Variants in FGGY observed in about 807,000 individuals in gnomAD.
FGGY encodes FGGY carbohydrate kinase domain containing, also known as FGGY carbohydrate kinase domain-containing protein.
A neutral mutation model predicts 71.3 loss-of-function variants in FGGY; 72 were observed. The observed-to-expected ratio is 1.01, with a 90% CI of 0.84 to 1.23. The LOEUF is 1.23. FGGY is among the 50% of genes most tolerant of loss of function. The pLI is 0.00. For missense variants in FGGY, 668 were observed against 682.3 expected, an observed-to-expected ratio of 0.98 and a Z score of 0.23; for synonymous variants, 251 against 250.3, an observed-to-expected ratio of 1.00 and a Z score of -0.02.
intron 1 of FGGY, among the ~76,000 whole-genome samples, chr1:59,312,194 C>T (rs554595888): frequency 3.3e-5 from 5 of 152,272 alleles, no homozygotes; most frequent in Non-Finnish European, 7.4e-5. Context: ...TTCTCCCGTT[C>T]TGTAAGTTGC....
intron 9 of FGGY, among the ~76,000 whole-genome samples, chr1:59,623,091 C>T (rs955958169): frequency 2.6e-5 from 4 of 152,118 alleles, no homozygotes; most frequent in African/African-American, 9.7e-5. Context: ...TGTAAAAGAA[C>T]TTGATAGATG....
intron 14 of FGGY, among the ~76,000 whole-genome samples, chr1:59,685,915 T>G (rs2097540442): frequency 6.6e-6 from 1 of 152,212 alleles, no homozygotes; most frequent in Non-Finnish European, 1.5e-5. Context: ...CTGGGAAAAG[T>G]GTCAAGTCAT....
intron 5 of FGGY, among the ~76,000 whole-genome samples, chr1:59,401,275 T>C (rs1043453600): frequency 1.5e-4 from 23 of 152,218 alleles, no homozygotes; most frequent in Non-Finnish European, 5.9e-5. Context: ...ATAAAGCCCA[T>C]AAGTAGGTTT....
intron 14 of FGGY, chr1:59,733,097 T>A (rs1016403649): frequency 6.5e-6 from 1 of 153,198 alleles, no homozygotes; most frequent in Non-Finnish European, 1.5e-5. Context: ...CTTAAACACC[T>A]ACTGAGCTCC....
At chr1:59,394,296 T>G (rs1368410781) in intron 5 of FGGY, among the ~76,000 whole-genome samples, 1 of 152,200 alleles carries the variant, frequency 6.6e-6, no homozygotes, top group East Asian at 1.9e-4. Flanking sequence ...CTTAATCTCA[T>G]ATTCATAATT....
chr1:59,640,545 T>C (rs1263717564), intron 11 of FGGY, among the ~76,000 whole-genome samples: 1 of 152,200 alleles, frequency 6.6e-6, no homozygotes, highest in Non-Finnish European at 1.5e-5. Context: ...TAATAGGAAC[T>C]AGCAGGATAA....
intron 14 of FGGY, among the ~76,000 whole-genome samples, chr1:59,741,725 A>G (rs1315604851): frequency 6.6e-6 from 1 of 152,098 alleles, no homozygotes; most frequent in East Asian, 1.9e-4. Flanking sequence ...TCACAAGGTC[A>G]GGAGATCAAG....
intron 6 of FGGY, among the ~76,000 whole-genome samples, chr1:59,475,591 A>G (rs1008568953): frequency 6.6e-6 from 1 of 152,140 alleles, no homozygotes; most frequent in Non-Finnish European, 1.5e-5. Flanking sequence ...AGGTGTCACA[A>G]TTCTCCCTGT....
chr1:59,540,698 C>T (rs1265436518), intron 7 of FGGY, among the ~76,000 whole-genome samples: 1 of 152,200 alleles, frequency 6.6e-6, no homozygotes, highest in East Asian at 1.9e-4. Flanking sequence ...TTAAAAATAT[C>T]AAAGGCTCTG....
At chr1:59,669,865 C>CT (rs2097361907) in intron 13 of FGGY, among the ~76,000 whole-genome samples, 1 of 152,216 alleles carries the variant, frequency 6.6e-6, no homozygotes, top group African/African-American at 2.4e-5. Context: ...CAGCCCTGGA[C>CT]TTTGTGAAAA....
intron 5 of FGGY, among the ~76,000 whole-genome samples, chr1:59,394,770 C>A (rs2061123633): frequency 6.6e-6 from 1 of 152,102 alleles, no homozygotes; most frequent in Admixed American, 6.6e-5. Context: ...CCATCTTCAA[C>A]CCTTATCCAG....
chr1:59,686,268 A>G (rs1428306731), intron 14 of FGGY, among the ~76,000 whole-genome samples: 1 of 152,162 alleles, frequency 6.6e-6, no homozygotes, highest in Admixed American at 6.5e-5. Flanking sequence ...AAGCTGTGTT[A>G]CTGACCTAGG....
chr1:59,689,685 G>A (rs1573239036), intron 14 of FGGY, among the ~76,000 whole-genome samples: 1 of 152,128 alleles, frequency 6.6e-6, no homozygotes, highest in Non-Finnish European at 1.5e-5. Context: ...GTTTTGAAGA[G>A]TCTCTAAAAT....
chr1:59,652,008 A>G (rs1438780942), intron 11 of FGGY, among the ~76,000 whole-genome samples: 1 of 149,346 alleles, frequency 6.7e-6, no homozygotes, highest in African/African-American at 2.5e-5. Context: ...TCCTTCACTT[A>G]TGAAGCTTAG....
intron 2 of FGGY, among the ~76,000 whole-genome samples, chr1:59,333,323 A>G (rs569186854): frequency 6.6e-6 from 1 of 152,314 alleles, no homozygotes; most frequent in South Asian, 2.1e-4. Context: ...TGGGTGATTG[A>G]TTGATTGGTA....
chr1:59,748,552 G>A (rs1029442964), intron 14 of FGGY, among the ~76,000 whole-genome samples: 1 of 152,182 alleles, frequency 6.6e-6, no homozygotes, highest in African/African-American at 2.4e-5. Flanking sequence ...AGCATGGCCA[G>A]CCCAGTAAGC....
intron 5 of FGGY, among the ~76,000 whole-genome samples, chr1:59,430,296 C>T (rs1254103456): frequency 6.6e-6 from 1 of 152,258 alleles, no homozygotes; most frequent in East Asian, 1.9e-4. Flanking sequence ...CAAAGTATTG[C>T]ACCAGGGGCC....
intron 5 of FGGY, among the ~76,000 whole-genome samples, chr1:59,382,949 T>C (rs1028228422): frequency 6.6e-6 from 1 of 152,152 alleles, no homozygotes; most frequent in African/African-American, 2.4e-5. Flanking sequence ...TTTTTGAAGT[T>C]AGCTGTGGCT....
intron 11 of FGGY, among the ~76,000 whole-genome samples, chr1:59,642,790 G>C (rs989126285): frequency 5.9e-5 from 9 of 152,038 alleles, no homozygotes; most frequent in African/African-American, 1.9e-4. Flanking sequence ...CCAACACTTT[G>C]GGAGGCCGAA....
Sources: gnomAD v4.1 joint callset for allele counts (sites outside exome capture counted in the v4.1 genomes callset) on GRCh38, gnomAD v4.1.1 for gene constraint, MANE v1.5 for transcripts, NCBI Gene and HGNC (gene_info 2026-07-23, HGNC 2026-07-21) for gene names.